Variants in GPR158 observed in about 807,000 individuals in gnomAD.
GPR158 encodes metabotropic glycine receptor.
Under a neutral mutation model 78.2 loss-of-function variants are expected in GPR158, and 30 were observed. The observed-to-expected ratio is 0.38, with a 90% CI of 0.29 to 0.52. The LOEUF is 0.52. Among genes scored for constraint, GPR158 ranks in the 20% least tolerant of loss-of-function variants. The pLI is 0.83. For synonymous variants in GPR158, 581 were observed against 591.1 expected (o/e 0.98, Z 0.25); for missense variants, 1,463 against 1,523.5 (o/e 0.96, Z 0.66).
chr10:25,449,197 T>C (rs1835181316), intron 4 of GPR158, among the ~76,000 whole-genome samples: 1 of 152,240 alleles, frequency 6.6e-6, no homozygotes, highest in Non-Finnish European at 1.5e-5. Flanking sequence ...ATCTTATGTA[T>C]GATTCTGATT....
At chr10:25,305,242 TC>T (rs1184907769) in intron 2 of GPR158, among the ~76,000 whole-genome samples, 2 of 152,214 alleles carry the variant, frequency 1.3e-5, no homozygotes, top group African/African-American at 2.4e-5. Context: ...CGGGATGTGC[TC>T]TTTTCCCAAA....
At chr10:25,522,734 G>A (rs1836294410) in intron 5 of GPR158, among the ~76,000 whole-genome samples, 1 of 152,162 alleles carries the variant, frequency 6.6e-6, no homozygotes, top group African/African-American at 2.4e-5. Context: ...TGTACTGGAT[G>A]GCTTTATGTC....
chr10:25,350,365 T>C (rs959359312), intron 2 of GPR158, among the ~76,000 whole-genome samples: 1 of 152,060 alleles, frequency 6.6e-6, no homozygotes, highest in Non-Finnish European at 1.5e-5. Flanking sequence ...TGGATTAAAC[T>C]GACCCATAGG....
At chr10:25,497,849 C>A (rs997286156) in intron 5 of GPR158, among the ~76,000 whole-genome samples, 6 of 151,974 alleles carry the variant, frequency 3.9e-5, no homozygotes, top group African/African-American at 1.5e-4. Flanking sequence ...ATTATGGAGA[C>A]CTTTTTATTT....
chr10:25,202,874 G>A (rs1028539074), intron 1 of GPR158, among the ~76,000 whole-genome samples: 15 of 152,174 alleles, frequency 9.9e-5, no homozygotes, highest in Admixed American at 2.6e-4. Flanking sequence ...CCCACCAACA[G>A]TGTAAAAGTG....
rs374428172 is a variant in GPR158 at position 25,483,323 on chromosome 10, G to A, written c.1404+16604G>A. On this transcript the variant is annotated intron_variant, in intron 5 of 10. Coordinates refer to ENST00000376351, the MANE Select transcript of GPR158 (RefSeq NM_020752.3). Reference sequence around the variant, plus strand: ...CTGGGCTCTTCATTGTTCTCAAACCGACCAGGCACAATCCCACCTCAAAGC... The same window carrying A: ...CTGGGCTCTTCATTGTTCTCAAACCAACCAGGCACAATCCCACCTCAAAGC... Among the ~76,000 whole-genome samples, 7 of 151,962 alleles carry A rather than the reference G, an allele frequency of 4.6e-5. No homozygotes were observed. The East Asian group carries it at 5.8e-4, about 13-fold the overall frequency.
At chr10:25,378,117 T>G (rs1455195836) in intron 2 of GPR158, among the ~76,000 whole-genome samples, 1 of 152,128 alleles carries the variant, frequency 6.6e-6, no homozygotes, top group East Asian at 1.9e-4. Context: ...AAAACTCTTA[T>G]TGATGTCCAA....
At chr10:25,532,993 CAT>C (rs932701613) in intron 5 of GPR158, among the ~76,000 whole-genome samples, 20 of 150,878 alleles carry the variant, frequency 1.3e-4, no homozygotes, top group African/African-American at 4.6e-4. Flanking sequence ...TCCCTTAATG[CAT>C]GGTTTTCCAC....
chr10:25,548,100 A>T (rs1255980687), intron 5 of GPR158, among the ~76,000 whole-genome samples: 2 of 152,176 alleles, frequency 1.3e-5, no homozygotes, highest in African/African-American at 4.8e-5. Context: ...TTTTCAAATC[A>T]TTTATTTTGA....
At chr10:25,467,000 A>G (rs1564463248) in intron 5 of GPR158, among the ~76,000 whole-genome samples, 1 of 152,180 alleles carries the variant, frequency 6.6e-6, no homozygotes, top group Non-Finnish European at 1.5e-5. Flanking sequence ...ATGGCCCCTG[A>G]CACAGCCCTC....
rs1332129798 is a variant in GPR158, at chr10:25,362,082, T to C, written c.1009-33829T>C. 2.0e-5 allele frequency among the ~76,000 whole-genome samples: 3 copies of C among 152,014 alleles called. No homozygotes were observed. The East Asian group carries it at 5.8e-4, about 29-fold the overall frequency. ...AGAATATCCTGAAATATTTCCTGTATGTTTTCTTTTAGAAGTTTCGTGGCT... is the reference window on the plus strand; with the variant it reads ...AGAATATCCTGAAATATTTCCTGTACGTTTTCTTTTAGAAGTTTCGTGGCT... On this transcript the variant is annotated intron_variant, in intron 2 of 10. Transcript: ENST00000376351.
chr10:25,441,017 G>A (rs537077405), intron 4 of GPR158, among the ~76,000 whole-genome samples: 1 of 152,132 alleles, frequency 6.6e-6, no homozygotes, highest in African/African-American at 2.4e-5. Flanking sequence ...GGGAAGCAAC[G>A]TGCATAATAA....
At chr10:25,472,046 G>A (rs1835513632) in intron 5 of GPR158, among the ~76,000 whole-genome samples, 1 of 152,266 alleles carries the variant, frequency 6.6e-6, no homozygotes, top group Admixed American at 6.5e-5. Context: ...CCATGCCTAT[G>A]TCCTGAATGG....
At chr10:25,453,734 A>C (rs1041743157) in intron 4 of GPR158, among the ~76,000 whole-genome samples, 1 of 152,140 alleles carries the variant, frequency 6.6e-6, no homozygotes, top group African/African-American at 2.4e-5. Flanking sequence ...AAATCAATTG[A>C]CCATAAACAT....
intron 2 of GPR158, among the ~76,000 whole-genome samples, chr10:25,391,367 G>A (rs1201332074): frequency 6.6e-6 from 1 of 152,176 alleles, no homozygotes; most frequent in African/African-American, 2.4e-5. Context: ...CTCAACACTA[G>A]CCCATGAAAG....
rs746893177 is a variant in GPR158 at position 25,221,071 on chromosome 10, A to G, written c.922A>G (p.Ile308Val). Reference sequence around the variant, plus strand: ...TTCTAGGGGTGTCATGAAAGTTGACATAAATCTTCAGAAAGTGGACATTGA... The same window carrying G: ...TTCTAGGGGTGTCATGAAAGTTGACGTAAATCTTCAGAAAGTGGACATTGA... ...PEFRGVMKVD[I>V]NLQKVDIDQC... The change falls in exon 2 of 11, where the codon ATA becomes GTA. Residue 308 changes from isoleucine (I) to valine (V), a missense_variant. Ile to Val is a conservative substitution (Grantham distance 29). Transcript: ENST00000376351. 4.0e-5 allele frequency: 63 copies of G among 1,581,658 alleles called. No individual in the cohort carries two copies. The African/African-American group carries it at 5.3e-4, about 13-fold the overall frequency.
At chr10:25,318,673 C>T (rs1028574538) in intron 2 of GPR158, among the ~76,000 whole-genome samples, 24 of 152,152 alleles carry the variant, frequency 1.6e-4, no homozygotes, top group East Asian at 7.7e-4. Context: ...TTTATTCTTA[C>T]TGTTTATATA....
chr10:25,302,218 C>G (rs999047577), intron 2 of GPR158, among the ~76,000 whole-genome samples: 9 of 149,424 alleles, frequency 6.0e-5, no homozygotes, highest in African/African-American at 2.3e-4. Flanking sequence ...ACTGCAGGTG[C>G]CTGCCACCAT....
chr10:25,588,134 C>T (rs1208062500), intron 7 of GPR158, among the ~76,000 whole-genome samples: 1 of 152,128 alleles, frequency 6.6e-6, no homozygotes, highest in African/African-American at 2.4e-5. Context: ...TTAACAATTA[C>T]TATGTGTCAG....
Sources: gnomAD v4.1 joint callset for allele counts (sites outside exome capture counted in the v4.1 genomes callset) on GRCh38, gnomAD v4.1.1 for gene constraint, MANE v1.5 for transcripts, NCBI Gene and HGNC (gene_info 2026-07-23, HGNC 2026-07-21) for gene names.